The following ADAMTS3 variants were observed in gnomAD, a reference collection of about 807,000 sequenced individuals.
The protein encoded by ADAMTS3 is ADAM metallopeptidase with thrombospondin type 1 motif 3.
ADAMTS3 carries 73 observed loss-of-function variants against 129.0 expected under a neutral mutation model. The observed-to-expected ratio is 0.57, with a 90% confidence interval of 0.47 to 0.69. ADAMTS3 has a LOEUF of 0.69. Ranked by LOEUF, ADAMTS3 falls within the 30% of genes least tolerant of loss-of-function variation. ADAMTS3 has a pLI of 0.00. For synonymous variants in ADAMTS3, 477 were observed against 510.8 expected (o/e 0.93, Z 0.89); for missense variants, 1,457 against 1,514.5 (o/e 0.96, Z 0.63).
intron 3 of ADAMTS3, among the ~76,000 whole-genome samples, chr4:72,522,131 G>A (rs755193182): frequency 1.3e-5 from 2 of 152,100 alleles, no homozygotes; most frequent in Non-Finnish European, 2.9e-5. Flanking sequence ...GCCCAAGGGA[G>A]GGACATTTCA....
chr4:72,476,295 G>C (rs976408950), intron 3 of ADAMTS3, among the ~76,000 whole-genome samples: 1 of 151,878 alleles, frequency 6.6e-6, no homozygotes, highest in East Asian at 1.9e-4. Flanking sequence ...ATTCATTCAA[G>C]ATCCTAAAGA....
intron 4 of ADAMTS3, among the ~76,000 whole-genome samples, chr4:72,343,111 T>G (rs1424746663): frequency 6.6e-6 from 1 of 152,120 alleles, no homozygotes; most frequent in Admixed American, 6.5e-5. Context: ...GCCCACAGAT[T>G]AGTTGGACCA....
intron 4 of ADAMTS3, among the ~76,000 whole-genome samples, chr4:72,363,778 A>C (rs1254385975): frequency 7.2e-6 from 1 of 138,976 alleles, no homozygotes; most frequent in Non-Finnish European, 1.5e-5. Flanking sequence ...TAGGAAAAGA[A>C]AAAAAAATGA....
At chr4:72,549,975 A>G (rs1456185982) in intron 2 of ADAMTS3, among the ~76,000 whole-genome samples, 1 of 29,026 alleles carries the variant, frequency 3.4e-5, no homozygotes, top group East Asian at 8.2e-4. Flanking sequence ...GAAGAAGAAG[A>G]AGAAGAAGAA....
At chr4:72,542,271 TCTC>T (rs1682327232) in intron 3 of ADAMTS3, among the ~76,000 whole-genome samples, 1 of 152,110 alleles carries the variant, frequency 6.6e-6, no homozygotes, top group Non-Finnish European at 1.5e-5. Flanking sequence ...TTTATGCCAT[TCTC>T]CTATCTCAGC....
At chr4:72,479,881 A>G (rs1008327057) in intron 3 of ADAMTS3, among the ~76,000 whole-genome samples, 5 of 152,160 alleles carry the variant, frequency 3.3e-5, no homozygotes, top group Non-Finnish European at 5.9e-5. Flanking sequence ...AAGAGTGGGC[A>G]AAGGATATGA....
intron 4 of ADAMTS3, among the ~76,000 whole-genome samples, chr4:72,382,899 G>T (rs1447445357): frequency 6.6e-6 from 1 of 152,050 alleles, no homozygotes; most frequent in Non-Finnish European, 1.5e-5. Context: ...GGAAAGCAAG[G>T]GTTGCAAAAC....
intron 20 of ADAMTS3, 59 bp from the exon 21 acceptor site, chr4:72,288,927 C>T (rs370330341): frequency 4.0e-4 from 78 of 195,260 alleles, no homozygotes; most frequent in African/African-American, 2.2e-3. Context: ...TGCACATACA[C>T]ACACACACAC....
rs1719075187 is a variant in ADAMTS3, at chr4:72,305,873, CATATACGT to C, written c.2260+106_2260+113del. 16 of 872,746 alleles carry C rather than the reference CATATACGT, an allele frequency of 1.8e-5. 1 individual carries two copies. In the South Asian group the frequency reaches 2.4e-4, roughly 13 times the overall value. The allele number at this position is 872,746 out of a possible 1,614,324, so 54.1% of individuals were successfully genotyped here. A position where few individuals can be genotyped will look rare whatever the true frequency, so the allele number is the denominator to read the frequency against. On this transcript the variant is annotated intron_variant, in intron 16 of 21. Transcript: ENST00000286657. ...ACATATACGTATGCACATGTATGTA[CATATACGT>C]ATGCACATATATGTGTACATATATA...
chr4:72,493,890 T>C (rs984636669), intron 3 of ADAMTS3, among the ~76,000 whole-genome samples: 1 of 152,116 alleles, frequency 6.6e-6, no homozygotes, highest in Non-Finnish European at 1.5e-5. Context: ...GAACTTTTAA[T>C]ATATCATACA....
chr4:72,505,140 A>G (rs548389411), intron 3 of ADAMTS3, among the ~76,000 whole-genome samples: 97 of 152,226 alleles, frequency 6.4e-4, no homozygotes, highest in African/African-American at 2.2e-3. Flanking sequence ...CGGATTTTTC[A>G]TGGTGTCAGA....
At chr4:72,402,762 T>C (rs184828994) in intron 4 of ADAMTS3, among the ~76,000 whole-genome samples, 64 of 152,260 alleles carry the variant, frequency 4.2e-4, no homozygotes, top group African/African-American at 1.5e-3. Context: ...AGAATATCCT[T>C]GGCAAAGTTT....
intron 3 of ADAMTS3, among the ~76,000 whole-genome samples, chr4:72,427,358 C>T (rs773020382): frequency 1.3e-5 from 2 of 152,116 alleles, no homozygotes; most frequent in Non-Finnish European, 2.9e-5. Context: ...TTACATTCCC[C>T]TTTTGAGTGT....
At chr4:72,501,531 G>GT (rs753745211) in intron 3 of ADAMTS3, among the ~76,000 whole-genome samples, 11 of 151,972 alleles carry the variant, frequency 7.2e-5, no homozygotes, top group Admixed American at 2.6e-4. Context: ...AGTCTTTAGG[G>GT]TTTTTTTAGC....
rs1194631131 is a variant in ADAMTS3 at position 72,518,905 on chromosome 4, A to G, written c.504+29573T>C. ...ATGATGTTAGCTGCTTATTTTGCTC[A>G]TTAGTTGACGCAGTTTCTTCCTAGT... On this transcript the variant is annotated intron_variant, in intron 3 of 21. Transcript: ENST00000286657. Among the ~76,000 whole-genome samples, 31 of 152,156 alleles carry G rather than the reference A, an allele frequency of 2.0e-4. 1 individual carries two copies. The South Asian group carries it at 5.4e-3, about 27-fold the overall frequency.
At chr4:72,362,960 T>C (rs993172751) in intron 4 of ADAMTS3, among the ~76,000 whole-genome samples, 4 of 152,152 alleles carry the variant, frequency 2.6e-5, no homozygotes, top group Admixed American at 2.6e-4. Context: ...TTTTCAAAAG[T>C]AGTCTGCCAG....
At chr4:72,304,391 T>C (rs1014627889) in intron 16 of ADAMTS3, among the ~76,000 whole-genome samples, 3 of 152,176 alleles carry the variant, frequency 2.0e-5, no homozygotes, top group Admixed American at 2.0e-4. Context: ...TTATCCTATA[T>C]ATTTCCTTAG....
At chr4:72,565,123 A>G (rs545101629) in intron 2 of ADAMTS3, among the ~76,000 whole-genome samples, 8 of 152,344 alleles carry the variant, frequency 5.3e-5, no homozygotes, top group African/African-American at 1.9e-4. Flanking sequence ...ACACTTCAGT[A>G]GAAAGTATTT....
chr4:72,437,877 G>GA, intron 3 of ADAMTS3, among the ~76,000 whole-genome samples: 1 of 151,736 alleles, frequency 6.6e-6, no homozygotes, highest in Middle Eastern at 3.4e-3. Context: ...AATAGTAATG[G>GA]AAAAAATACA....
Sources: allele counts gnomAD v4.1 joint callset (sites outside exome capture counted in the v4.1 genomes callset), GRCh38; gene constraint gnomAD v4.1.1; transcripts MANE v1.5; gene names NCBI Gene and HGNC (gene_info 2026-07-23, HGNC 2026-07-21).